The following CYREN variants were observed in gnomAD, a reference collection of about 807,000 sequenced individuals.
CYREN encodes cell cycle regulator of non-homologous end joining.
CYREN carries 7 observed loss-of-function variants against 9.7 expected under a neutral mutation model. The observed-to-expected ratio is 0.72, with a 90% CI of 0.41 to 1.36. The LOEUF (loss-of-function observed/expected upper bound fraction) is 1.36, where lower values mean the gene tolerates loss of function less well. CYREN is among the 40% of genes most tolerant of loss of function. The pLI is 0.01. For synonymous variants in CYREN, 76 were observed against 77.9 expected, an observed-to-expected ratio of 0.98 and a Z score of 0.13; for missense variants, 215 against 198.1, an observed-to-expected ratio of 1.09 and a Z score of -0.51.
At chr7:135,140,703 T>C (rs1188376128) in intron 2 of CYREN, among the ~76,000 whole-genome samples, 1 of 152,130 alleles carries the variant, frequency 6.6e-6, no homozygotes, top group African/African-American at 2.4e-5. Flanking sequence ...AGGTTTATCA[T>C]AGGTGGCTCT....
intron 2 of CYREN, among the ~76,000 whole-genome samples, chr7:135,155,361 G>C (rs909281071): frequency 3.3e-5 from 5 of 152,118 alleles, no homozygotes; most frequent in Non-Finnish European, 5.9e-5. Flanking sequence ...CTTTGTTTCT[G>C]TTATATTGTT....
chr7:135,142,177 T>A (rs569365879), intron 2 of CYREN, among the ~76,000 whole-genome samples: 15 of 150,510 alleles, frequency 1.0e-4, no homozygotes, highest in Non-Finnish European at 2.1e-4. Flanking sequence ...AATTGCTTGA[T>A]ATGCACCATA....
chr7:135,114,666 C>T (rs186870660), intron 2 of CYREN, among the ~76,000 whole-genome samples: 347 of 152,264 alleles, frequency 2.3e-3, no homozygotes, highest in Middle Eastern at 6.8e-3. Flanking sequence ...ACCCTTCTAG[C>T]CATTTCCACC....
intron 2 of CYREN, among the ~76,000 whole-genome samples, chr7:135,108,236 G>A (rs1347938602): frequency 6.6e-6 from 1 of 152,178 alleles, no homozygotes; most frequent in African/African-American, 2.4e-5. Context: ...ATTGATATGT[G>A]TGGATTTGAT....
chr7:135,115,669 A>C, intron 2 of CYREN: 1 of 1,336,044 alleles, frequency 7.5e-7, no homozygotes, highest in South Asian at 1.5e-5. Context: ...TTAAAAAAGC[A>C]GGGCTTATTA....
At chr7:135,115,729 C>G in intron 2 of CYREN, 1 of 823,246 alleles carries the variant, frequency 1.2e-6, no homozygotes, top group Non-Finnish European at 1.8e-6. Flanking sequence ...GATGTCAGCT[C>G]CATCACATTT....
chr7:135,094,776 G>A (rs907287380), intron 2 of CYREN, among the ~76,000 whole-genome samples: 1 of 152,120 alleles, frequency 6.6e-6, no homozygotes, highest in Non-Finnish European at 1.5e-5. Context: ...AGGAGCAAGA[G>A]GCCTTACATT....
chr7:135,093,729 C>T (rs1207241343), exon 3 of CYREN: 1 of 152,192 alleles, frequency 6.6e-6, no homozygotes, highest in East Asian at 1.9e-4. Flanking sequence ...TGTCAGCTAC[C>T]TTTTGTGCAG....
Position 135,169,041 on chromosome 7 carries a change from T to A in CYREN, c.-119A>T. 1.1e-6 allele frequency: 1 copy of A among 951,216 alleles called. No homozygotes were observed. Among genetic ancestry groups the A allele is most frequent in the Non-Finnish European group, 1.5e-6 (1 of 651,162 alleles). The allele number at this position is 951,216 out of a possible 1,614,324, so 58.9% of individuals were successfully genotyped here. A position where few individuals can be genotyped will look rare whatever the true frequency, so the allele number is the denominator to read the frequency against. On this transcript the variant is annotated 5_prime_UTR_variant, in exon 2 of 4. Coordinates refer to ENST00000393114, the MANE Select transcript of CYREN (RefSeq NM_024033.4). ...GAATTACAGGTCCATTTGTCCTCAG[T>A]GGGAGTTGATCTTTGATTCCTACAA...
At chr7:135,144,966 A>AAAAAC (rs1829519840) in intron 2 of CYREN, among the ~76,000 whole-genome samples, 1 of 137,576 alleles carries the variant, frequency 7.3e-6, no homozygotes, top group Admixed American at 7.5e-5. Context: ...AAAAAAAAAA[A>AAAAAC]AAAGAAGAGG....
intron 2 of CYREN, among the ~76,000 whole-genome samples, chr7:135,140,621 A>T (rs1829435421): frequency 6.6e-6 from 1 of 151,934 alleles, no homozygotes; most frequent in Non-Finnish European, 1.5e-5. Flanking sequence ...GTGCAAGTGG[A>T]CATCCTTGTT....
chr7:135,122,903 A>C (rs1320709816), intron 2 of CYREN, among the ~76,000 whole-genome samples: 1 of 152,210 alleles, frequency 6.6e-6, no homozygotes, highest in Non-Finnish European at 1.5e-5. Flanking sequence ...CAGCGCCTCA[A>C]AGATCAAAAC....
chr7:135,160,486 T>A (rs1829902236), intron 2 of CYREN, among the ~76,000 whole-genome samples: 1 of 152,186 alleles, frequency 6.6e-6, no homozygotes, highest in South Asian at 2.1e-4. Context: ...CAAAGATCCA[T>A]ATGCTGTCAC....
intron 2 of CYREN, among the ~76,000 whole-genome samples, chr7:135,154,240 G>A (rs558554909): frequency 5.3e-5 from 8 of 152,068 alleles, no homozygotes; most frequent in African/African-American, 1.7e-4. Context: ...TCTAGCTAGT[G>A]GTTTATCAAT....
At chr7:135,152,510 C>G (rs912436675) in intron 2 of CYREN, among the ~76,000 whole-genome samples, 1 of 152,234 alleles carries the variant, frequency 6.6e-6, no homozygotes, top group African/African-American at 2.4e-5. Context: ...AAGATGAAAA[C>G]AGTAACTCTA....
chr7:135,135,638 T>C (rs1023024910), intron 2 of CYREN: 3 of 158,508 alleles, frequency 1.9e-5, no homozygotes, highest in Admixed American at 6.3e-5. Flanking sequence ...TACTAGACAC[T>C]TTAATCAATT....
intron 2 of CYREN, chr7:135,115,623 C>T (rs1410147474): frequency 6.6e-7 from 1 of 1,509,938 alleles, no homozygotes; most frequent in South Asian, 1.2e-5. Flanking sequence ...TAAGTCAATA[C>T]AATTTTATCA....
rs1221545808 is a variant in CYREN at position 135,151,332 on chromosome 7, C to T, written n.356+17417G>A. Reference sequence around the variant, plus strand: ...TGTTTCTACCAAAGGAAATATGACACATTTCCCTTTCTTCTTCCCTTTTTA... The same window carrying T: ...TGTTTCTACCAAAGGAAATATGACATATTTCCCTTTCTTCTTCCCTTTTTA... On this transcript the variant is annotated intron_variant and non_coding_transcript_variant, in intron 2 of 2. Transcript: ENST00000459937. The surrounding 1 kb of genome is among the most constrained non-coding windows in gnomAD (Gnocchi z 4.3). 1.3e-5 allele frequency among the ~76,000 whole-genome samples: 2 copies of T among 152,128 alleles called. No individual in the cohort carries two copies. The highest frequency in any genetic ancestry group is 6.5e-5 in the Admixed American group (1 of 15,272).
downstream of CYREN, among the ~76,000 whole-genome samples, chr7:135,161,912 G>A (rs1353133466): frequency 6.6e-6 from 1 of 152,212 alleles, no homozygotes; most frequent in African/African-American, 2.4e-5. This position sits in a 1 kb window ranked among gnomAD's most constrained non-coding sequence, Gnocchi z 4.1. Flanking sequence ...GCCCAGTGCT[G>A]CTGAGTCCAG....
Sources: gnomAD v4.1 joint callset for allele counts (sites outside exome capture counted in the v4.1 genomes callset) on GRCh38, gnomAD v4.1.1 for gene constraint, Gnocchi (gnomAD v3.1) non-coding constraint, MANE v1.5 for transcripts, NCBI Gene and HGNC (gene_info 2026-07-23, HGNC 2026-07-21) for gene names.